TIAM1: variants seen among roughly 807,000 people sequenced by gnomAD.
The protein encoded by TIAM1 is TIAM Rac1 associated GEF 1, also known as rho guanine nucleotide exchange factor TIAM1.
Under a neutral mutation model 163.5 loss-of-function variants are expected in TIAM1, and 65 were observed. That is an observed-to-expected ratio of 0.40 (90% CI 0.33 to 0.49). The LOEUF (loss-of-function observed/expected upper bound fraction) is 0.49. Among genes scored for constraint, TIAM1 ranks in the 20% least tolerant of loss-of-function variants. The pLI, the probability that TIAM1 is intolerant of heterozygous loss-of-function variation, is 0.77. For missense variants in TIAM1, 1,789 were observed against 2,044.7 expected, an observed-to-expected ratio of 0.87 and a Z score of 2.41; for synonymous variants, 833 against 810.1, an observed-to-expected ratio of 1.03 and a Z score of -0.48.
chr21:31,368,506 C>T (rs528606085), intron 2 of TIAM1, among the ~76,000 whole-genome samples: 1 of 152,232 alleles, frequency 6.6e-6, no homozygotes, highest in African/African-American at 2.4e-5. Context: ...CTGTAGGCTT[C>T]GGATTTGCTG....
intron 15 of TIAM1, among the ~76,000 whole-genome samples, chr21:31,171,704 C>T (rs1457664844): frequency 1.3e-5 from 2 of 152,150 alleles, no homozygotes; most frequent in South Asian, 4.1e-4. Context: ...ATGTCTATTT[C>T]GCCACTCCAT....
chr21:31,438,438 C>T (rs1376598565), intron 2 of TIAM1, among the ~76,000 whole-genome samples: 1 of 151,942 alleles, frequency 6.6e-6, no homozygotes, highest in East Asian at 1.9e-4. Flanking sequence ...GTGACCCACC[C>T]ACCTCAGTCT....
intron 2 of TIAM1, among the ~76,000 whole-genome samples, chr21:31,365,447 G>A (rs2076486972): frequency 6.7e-6 from 1 of 149,540 alleles, no homozygotes; most frequent in Non-Finnish European, 1.5e-5. Flanking sequence ...GGAGTGCAGG[G>A]GCATGATCTC....
chr21:31,442,524 C>A (rs1473198915), intron 2 of TIAM1, among the ~76,000 whole-genome samples: 1 of 152,172 alleles, frequency 6.6e-6, no homozygotes, highest in African/African-American at 2.4e-5. Context: ...TGAGCTACCA[C>A]GCCCAGCCGG....
At chr21:31,523,906 A>G in intron 1 of TIAM1, among the ~76,000 whole-genome samples, 1 of 149,780 alleles carries the variant, frequency 6.7e-6, no homozygotes, top group African/African-American at 2.5e-5. Context: ...TGACAGAGCC[A>G]GATTCCATCT....
chr21:31,151,016 T>C (rs773473599), intron 19 of TIAM1, among the ~76,000 whole-genome samples: 2 of 152,064 alleles, frequency 1.3e-5, no homozygotes, highest in Admixed American at 6.6e-5. Context: ...ATTAGGGAAA[T>C]TAAAATTAGA....
chr21:31,198,490 A>C (rs2086003809), intron 12 of TIAM1, among the ~76,000 whole-genome samples: 1 of 152,214 alleles, frequency 6.6e-6, no homozygotes. Flanking sequence ...AATGAGAAGA[A>C]ATCAGTTATA....
chr21:31,420,704 C>A (rs7280584), intron 2 of TIAM1, among the ~76,000 whole-genome samples: 19,253 of 152,136 alleles, frequency 0.13, 1,866 homozygotes, highest in African/African-American at 0.26. Flanking sequence ...AAACTTCTAT[C>A]TAGGGGGTCA....
At chr21:31,406,681 G>C (rs769181278) in intron 2 of TIAM1, among the ~76,000 whole-genome samples, 1 of 152,088 alleles carries the variant, frequency 6.6e-6, no homozygotes, top group Non-Finnish European at 1.5e-5. Flanking sequence ...GACCATGCTG[G>C]TGCCACCAGC....
Position 31,147,309 on chromosome 21 carries a change from G to A in TIAM1, c.3367-306C>T, listed in dbSNP as rs375216414. Among the ~76,000 whole-genome samples, 25 of 152,206 alleles carry A rather than the reference G, an allele frequency of 1.6e-4. 1 individual carries two copies. The South Asian group carries it at 5.2e-3, about 32-fold the overall frequency. On this transcript the variant is annotated intron_variant, in intron 19 of 27. Coordinates refer to ENST00000541036, the MANE Select transcript of TIAM1 (RefSeq NM_001353694.2). ...GGGCTGTTTGAATGTTGATGAGAAA[G>A]TATATACTTTGGAAAAGTCAGAAAT...
upstream of TIAM1, among the ~76,000 whole-genome samples, chr21:31,345,256 A>G (rs2076125804): frequency 6.6e-6 from 1 of 152,156 alleles, no homozygotes; most frequent in African/African-American, 2.4e-5. Context: ...GCCAAAAACT[A>G]AGGATACTCA....
chr21:31,307,429 A>G (rs2074756709), intron 2 of TIAM1, among the ~76,000 whole-genome samples: 2 of 152,190 alleles, frequency 1.3e-5, no homozygotes, highest in East Asian at 3.9e-4. Flanking sequence ...GACACCATCC[A>G]GAACACGGCC....
At chr21:31,486,206 C>T (rs1166633164) in intron 1 of TIAM1, among the ~76,000 whole-genome samples, 1 of 152,186 alleles carries the variant, frequency 6.6e-6, no homozygotes, top group East Asian at 1.9e-4. Flanking sequence ...GAATGGGAGT[C>T]CCAGCCATCC....
At chr21:31,348,879 C>G (rs1433063282), upstream of TIAM1, among the ~76,000 whole-genome samples, 5 of 152,132 alleles carry the variant, frequency 3.3e-5, no homozygotes, top group East Asian at 9.6e-4. Flanking sequence ...TTATGCCAAC[C>G]AAACTTAGAG....
chr21:31,239,877 C>T (rs1049431889), intron 6 of TIAM1, among the ~76,000 whole-genome samples: 8 of 152,180 alleles, frequency 5.3e-5, no homozygotes, highest in African/African-American at 1.9e-4. Context: ...TCCTAGGCTG[C>T]TAATGAGAGT....
intron 2 of TIAM1, among the ~76,000 whole-genome samples, chr21:31,415,734 G>A (rs144199790): frequency 5.8e-4 from 89 of 152,202 alleles, no homozygotes; most frequent in African/African-American, 2.0e-3. Flanking sequence ...CCATGACTCC[G>A]TTTTACTGGT....
chr21:31,223,294 A>C, intron 8 of TIAM1, 112 bp downstream of exon 8: 1 of 1,215,716 alleles, frequency 8.2e-7, no homozygotes, highest in Admixed American at 2.5e-5. Flanking sequence ...GCATTTCAGA[A>C]ATCCATACAC....
At chr21:31,346,099 C>A (rs1039447430), upstream of TIAM1, among the ~76,000 whole-genome samples, 1 of 151,884 alleles carries the variant, frequency 6.6e-6, no homozygotes, top group South Asian at 2.1e-4. Flanking sequence ...CTACTGATAT[C>A]TAGTAGGTAG....
chr21:31,486,447 G>C (rs1320292816), intron 1 of TIAM1, among the ~76,000 whole-genome samples: 1 of 152,248 alleles, frequency 6.6e-6, no homozygotes, highest in East Asian at 1.9e-4. Context: ...GGACGAAGGG[G>C]ACAAAGGGTG....
Sources: gnomAD v4.1 joint callset for allele counts (sites outside exome capture counted in the v4.1 genomes callset) on GRCh38, gnomAD v4.1.1 for gene constraint, MANE v1.5 for transcripts, NCBI Gene and HGNC (gene_info 2026-07-23, HGNC 2026-07-21) for gene names.